The following ALCAM variants were observed in gnomAD, a reference collection of about 807,000 sequenced individuals.
ALCAM encodes the protein activated leukocyte cell adhesion molecule.
A neutral mutation model predicts 70.9 loss-of-function variants in ALCAM; 30 were observed. That is an observed-to-expected ratio of 0.42 (90% CI 0.32 to 0.57). The LOEUF is 0.57. ALCAM is among the 20% of genes least tolerant of loss of function. ALCAM has a pLI of 0.11. For missense variants in ALCAM, 591 were observed against 695.1 expected, an observed-to-expected ratio of 0.85 and a Z score of 1.68; for synonymous variants, 249 against 242.5, an observed-to-expected ratio of 1.03 and a Z score of -0.25.
At chr3:105,527,774 G>A (rs1939742679) in intron 3 of ALCAM, among the ~76,000 whole-genome samples, 2 of 152,000 alleles carry the variant, frequency 1.3e-5, no homozygotes, top group East Asian at 1.9e-4. Flanking sequence ...ATGTTTAGTG[G>A]CTTCACACAG....
In ALCAM at chr3:105,524,470, A is replaced by G. The variant is rs1377457153; in HGVS notation, c.356A>G (p.Asp119Gly). ...KRFVCMLVTE[D>G]NVFEAPTIVK... ...TTTGTGTGCATGCTAGTAACTGAGG[A>G]CAACGTGTTTGAGGCACCTACAATA... Residue 119 changes from aspartate to glycine, a missense_variant, in exon 3 of 16, where the codon GAC becomes GGC. Coordinates refer to ENST00000306107, the MANE Select transcript of ALCAM (RefSeq NM_001627.4). 6.2e-7 allele frequency: 1 copy of G among 1,614,138 alleles called. No individual in the cohort carries two copies. The highest frequency in any genetic ancestry group is 8.5e-7 in the Non-Finnish European group (1 of 1,179,982).
intron 1 of ALCAM, among the ~76,000 whole-genome samples, chr3:105,451,243 TAAAGC>T (rs1937421228): frequency 2.4e-5 from 2 of 84,502 alleles, no homozygotes; most frequent in South Asian, 6.5e-4. Context: ...GAAAGAAAAA[TAAAGC>T]AAGGAAGCAA....
At chr3:105,567,164 CA>C (rs1426920280) in intron 14 of ALCAM, among the ~76,000 whole-genome samples, 1 of 152,082 alleles carries the variant, frequency 6.6e-6, no homozygotes, top group East Asian at 1.9e-4. Flanking sequence ...GTGGCACTTT[CA>C]AACATTTCTT....
intron 1 of ALCAM, among the ~76,000 whole-genome samples, chr3:105,405,102 A>G (rs1936188734): frequency 1.3e-5 from 2 of 151,830 alleles, no homozygotes. Flanking sequence ...ACATGGAGAA[A>G]CCTTGTCTCT....
chr3:105,496,734 T>C (rs974406428), intron 1 of ALCAM, among the ~76,000 whole-genome samples: 2 of 152,060 alleles, frequency 1.3e-5, no homozygotes, highest in Admixed American at 1.3e-4. Context: ...TGTGAGGTGA[T>C]TTTTTATTAA....
intron 1 of ALCAM, among the ~76,000 whole-genome samples, chr3:105,411,731 C>A (rs1936394776): frequency 1.3e-5 from 2 of 151,970 alleles, no homozygotes; most frequent in African/African-American, 4.8e-5. Flanking sequence ...GAGAGCTGAA[C>A]AGGACTTCTT....
In ALCAM at chr3:105,576,139, G is replaced by A. The variant is rs750500997; in HGVS notation, c.*1688G>A. 2.0e-5 allele frequency: 3 copies of A among 152,444 alleles called. No individual in the cohort carries two copies. The highest frequency in any genetic ancestry group is 2.9e-5 in the Non-Finnish European group (2 of 67,960). 9.4% of individuals were successfully genotyped at this position (152,444 alleles called of 1,614,324 possible). ...ATATTATGGGAAAAAAAGAAAATAC[G>A]TTATTTTGCCTCTAAACTTTTATTG... is the stretch of plus-strand genomic sequence containing the variant. On this transcript the variant is annotated 3_prime_UTR_variant, in exon 16 of 16. Transcript: ENST00000306107.
chr3:105,435,255 A>G (rs1937025252), intron 1 of ALCAM, among the ~76,000 whole-genome samples: 1 of 152,264 alleles, frequency 6.6e-6, no homozygotes, highest in Admixed American at 6.5e-5. Context: ...ACCTATAGTC[A>G]GCAGTGCTGA....
At chr3:105,442,510 G>T (rs1011529561) in intron 1 of ALCAM, among the ~76,000 whole-genome samples, 7 of 152,102 alleles carry the variant, frequency 4.6e-5, no homozygotes, top group Non-Finnish European at 1.0e-4. Context: ...GGCCAGGCGC[G>T]GTGGCTCACG....
At chr3:105,448,007 G>T (rs1412861434) in intron 1 of ALCAM, among the ~76,000 whole-genome samples, 2 of 152,112 alleles carry the variant, frequency 1.3e-5, no homozygotes, top group Non-Finnish European at 2.9e-5. Flanking sequence ...AATTGGATGT[G>T]TTTAACATGA....
intron 1 of ALCAM, among the ~76,000 whole-genome samples, chr3:105,506,178 G>A (rs1939072185): frequency 6.6e-6 from 1 of 152,110 alleles, no homozygotes; most frequent in Admixed American, 6.5e-5. Context: ...AATTAAACAT[G>A]TACTAATAGT....
At chr3:105,516,495 G>A (rs1939381702) in intron 1 of ALCAM, among the ~76,000 whole-genome samples, 1 of 151,710 alleles carries the variant, frequency 6.6e-6, no homozygotes, top group African/African-American at 2.4e-5. Flanking sequence ...CTTTTCCTGT[G>A]CTCACCGCAT....
chr3:105,487,794 A>C (rs1576196029), intron 1 of ALCAM, among the ~76,000 whole-genome samples: 2 of 152,292 alleles, frequency 1.3e-5, no homozygotes, highest in East Asian at 3.9e-4. Context: ...AAACCAGCTC[A>C]GGAGAGCTAA....
intron 1 of ALCAM, among the ~76,000 whole-genome samples, chr3:105,424,955 T>C (rs1452933271): frequency 1.3e-5 from 2 of 151,764 alleles, no homozygotes; most frequent in South Asian, 2.1e-4. Context: ...TTTAGCACCA[T>C]GCAGTAAGTG....
At chr3:105,424,705 C>T (rs570478369) in intron 1 of ALCAM, among the ~76,000 whole-genome samples, 2 of 151,736 alleles carry the variant, frequency 1.3e-5, no homozygotes, top group South Asian at 2.1e-4. Context: ...ATTAGCAAGA[C>T]AAGTGAGGAT....
rs556649122 is a variant in ALCAM, at chr3:105,449,275, G to A, written c.74-70792G>A. Reference sequence around the variant, plus strand: ...GCTGCAGGTTGTATAAGATGACAAAGCATTGATTTAGTGAATTTTTTCACA... The same window carrying A: ...GCTGCAGGTTGTATAAGATGACAAAACATTGATTTAGTGAATTTTTTCACA... On this transcript the variant is annotated intron_variant, in intron 1 of 15. Coordinates refer to ENST00000306107, the MANE Select transcript of ALCAM (RefSeq NM_001627.4). Among the ~76,000 whole-genome samples the A allele has an allele frequency of 1.8e-4, 27 of 152,252 alleles. No individual in the cohort carries two copies. The South Asian group carries it at 5.2e-3, about 29-fold the overall frequency.
chr3:105,416,638 C>A (rs1013611114), intron 1 of ALCAM, among the ~76,000 whole-genome samples: 4 of 151,876 alleles, frequency 2.6e-5, no homozygotes, highest in Non-Finnish European at 5.9e-5. Context: ...TACCACCATT[C>A]GACCAATTTT....
chr3:105,402,929 G>A (rs1410858874), intron 1 of ALCAM, among the ~76,000 whole-genome samples: 1 of 146,510 alleles, frequency 6.8e-6, no homozygotes, highest in African/African-American at 2.5e-5. Flanking sequence ...TAGGATTGCA[G>A]CTGATGCGCT....
In ALCAM at chr3:105,545,204, C is replaced by T; in HGVS notation, c.992-19C>T. On this transcript the variant is annotated intron_variant, in intron 8 of 15. Coordinates refer to ENST00000306107, the MANE Select transcript of ALCAM (RefSeq NM_001627.4). The stretch of plus-strand genomic sequence containing the variant: ...TACATTTCAGAGTTAGCACTTTGAA[C>T]AGATTTTCTGCTTCACAGATTTGGA... 1.3e-6 allele frequency: 2 copies of T among 1,508,186 alleles called. No individual in the cohort carries two copies. The allele number at this position is 1,508,186 out of a possible 1,614,324, so 93.4% of individuals were successfully genotyped here.
Sources: allele counts gnomAD v4.1 joint callset (sites outside exome capture counted in the v4.1 genomes callset), GRCh38; gene constraint gnomAD v4.1.1; transcripts MANE v1.5; gene names NCBI Gene and HGNC (gene_info 2026-07-23, HGNC 2026-07-21).